Variants in RAP1GAP2 observed in about 807,000 individuals in gnomAD.
The protein encoded by RAP1GAP2 is RAP1 GTPase activating protein 2, also known as rap1 GTPase-activating protein 2.
RAP1GAP2 carries 27 observed loss-of-function variants against 95.0 expected under a neutral mutation model. The observed-to-expected ratio is 0.28, with a 90% CI of 0.21 to 0.39. RAP1GAP2 has a LOEUF of 0.39. Ranked by LOEUF, RAP1GAP2 falls within the 10% of genes least tolerant of loss-of-function variation. The pLI is 1.00. For missense variants in RAP1GAP2, 771 were observed against 970.0 expected (o/e 0.79, Z 2.72); for synonymous variants, 373 against 380.9 (o/e 0.98, Z 0.24).
chr17:2,913,721 A>G (rs1364302276), intron 3 of RAP1GAP2, among the ~76,000 whole-genome samples: 1 of 152,200 alleles, frequency 6.6e-6, no homozygotes, highest in East Asian at 1.9e-4. Flanking sequence ...CTAATGATAC[A>G]CCCACGTGAG....
chr17:2,947,725 G>A (rs2043755981), intron 3 of RAP1GAP2, among the ~76,000 whole-genome samples: 1 of 152,026 alleles, frequency 6.6e-6, no homozygotes. Flanking sequence ...AGCGGAGTCG[G>A]GCAGTGTGGC....
At chr17:2,959,335 A>G (rs1190630126) in intron 4 of RAP1GAP2, among the ~76,000 whole-genome samples, 1 of 151,920 alleles carries the variant, frequency 6.6e-6, no homozygotes, top group East Asian at 1.9e-4. Flanking sequence ...TTTCTAGGGT[A>G]GGGGTCTTGT....
chr17:2,952,854 G>T (rs192373293), intron 3 of RAP1GAP2, among the ~76,000 whole-genome samples: 101 of 152,000 alleles, frequency 6.6e-4, no homozygotes, highest in African/African-American at 2.4e-3. Flanking sequence ...GCTCAGGCTG[G>T]AGTGCAGTGG....
In RAP1GAP2 at chr17:3,008,603, A is replaced by T. The variant is rs2046409421; in HGVS notation, c.1494+458A>T. On this transcript the variant is annotated intron_variant, in intron 17 of 24. Coordinates refer to ENST00000254695, the MANE Select transcript of RAP1GAP2 (RefSeq NM_015085.5). The surrounding 1 kb of genome is among the most constrained non-coding windows in gnomAD (Gnocchi z 4.2). ...TAGCCAGCCGGCCGAGCATTGGAAG[A>T]CCTGGCTGGGCAGGGGCCATGGAAC... is the stretch of plus-strand genomic sequence containing the variant. Among the ~76,000 whole-genome samples, 1 of 152,090 alleles carries T rather than the reference A, an allele frequency of 6.6e-6. No individual in the cohort carries two copies. The highest frequency in any genetic ancestry group is 2.1e-4 in the South Asian group (1 of 4,822).
rs915965446 is a variant in RAP1GAP2, at chr17:2,866,640, G to C, written c.81-38644G>C. Among the ~76,000 whole-genome samples, 3 of 151,746 alleles carry C rather than the reference G, an allele frequency of 2.0e-5. No individual in the cohort carries two copies. The highest frequency in any genetic ancestry group is 4.2e-4 in the South Asian group (2 of 4,804). On this transcript the variant is annotated intron_variant, in intron 2 of 24. Transcript: ENST00000254695. The surrounding 1 kb of genome is among the most constrained non-coding windows in gnomAD (Gnocchi z 4.0). ...TTTTGAGGCAGCATCTCCCTCTGTC[G>C]CCAGGCTGGAGTGCAGTGGTGCGAT...
At chr17:2,897,365 A>G (rs575713461) in intron 2 of RAP1GAP2, among the ~76,000 whole-genome samples, 1 of 151,916 alleles carries the variant, frequency 6.6e-6, no homozygotes, top group Non-Finnish European at 1.5e-5. Context: ...AAACAAAAAA[A>G]TGGGTGTCCA....
At chr17:3,028,928 G>A (rs188079536) in intron 22 of RAP1GAP2, among the ~76,000 whole-genome samples, 1 of 152,216 alleles carries the variant, frequency 6.6e-6, no homozygotes, top group African/African-American at 2.4e-5. Flanking sequence ...AGCCTTCCAA[G>A]TAGCTGGGAT....
At chr17:2,872,067 A>G (rs1479633653) in intron 2 of RAP1GAP2, among the ~76,000 whole-genome samples, 1 of 151,986 alleles carries the variant, frequency 6.6e-6, no homozygotes, top group Non-Finnish European at 1.5e-5. Context: ...TACAAAAATT[A>G]GCTGGGTGTG....
chr17:2,761,217 A>C (rs1198373268), intron 1 of RAP1GAP2, among the ~76,000 whole-genome samples: 1 of 143,316 alleles, frequency 7.0e-6, no homozygotes. Flanking sequence ...GGCCTCCCAA[A>C]GTGCTGGGAT....
intron 3 of RAP1GAP2, among the ~76,000 whole-genome samples, chr17:2,927,279 G>A (rs12944111): frequency 0.45 from 67,965 of 151,304 alleles, 16,514 homozygotes; most frequent in Admixed American, 0.53. Flanking sequence ...TCAGCCTCCC[G>A]AGTAGCTGGG....
At chr17:3,021,323 G>A (rs1213317816) in intron 19 of RAP1GAP2, among the ~76,000 whole-genome samples, 3 of 149,722 alleles carry the variant, frequency 2.0e-5, no homozygotes, top group Non-Finnish European at 3.0e-5. Flanking sequence ...CCTTCATCCT[G>A]CCCTCCCCCG....
chr17:2,908,550 A>C (rs1567766066), intron 3 of RAP1GAP2, among the ~76,000 whole-genome samples: 1 of 151,880 alleles, frequency 6.6e-6, no homozygotes, highest in East Asian at 1.9e-4. Flanking sequence ...AAGTGGTTGG[A>C]GCTCAGATTT....
chr17:2,945,148 T>C (rs899240404), intron 3 of RAP1GAP2, among the ~76,000 whole-genome samples: 4 of 152,374 alleles, frequency 2.6e-5, no homozygotes, highest in African/African-American at 9.6e-5. Flanking sequence ...ATGCTGGGAT[T>C]ATAGGCGTGA....
intron 3 of RAP1GAP2, among the ~76,000 whole-genome samples, chr17:2,915,374 G>T (rs2042539238): frequency 6.6e-6 from 1 of 151,956 alleles, no homozygotes. Flanking sequence ...GGGACTACAG[G>T]CTGGTGCCAC....
At chr17:2,937,284 CTCT>C (rs2043334627) in intron 3 of RAP1GAP2, among the ~76,000 whole-genome samples, 1 of 152,212 alleles carries the variant, frequency 6.6e-6, no homozygotes, top group African/African-American at 2.4e-5. Context: ...TTCTCCATCT[CTCT>C]TCTTCCTTGC....
chr17:3,020,176 G>T (rs2046907241), intron 18 of RAP1GAP2, among the ~76,000 whole-genome samples: 1 of 152,178 alleles, frequency 6.6e-6, no homozygotes. Context: ...TGTGTCCCCC[G>T]GAATTGTTCT....
chr17:2,810,522 CTTTTTT>C (rs1169922962), intron 2 of RAP1GAP2, among the ~76,000 whole-genome samples: 14 of 69,416 alleles, frequency 2.0e-4, no homozygotes, highest in African/African-American at 5.8e-4. Flanking sequence ...TCCCCCCACC[CTTTTTT>C]TTTTTTTTTT....
intron 8 of RAP1GAP2, among the ~76,000 whole-genome samples, chr17:2,967,097 G>A (rs577916120): frequency 3.3e-5 from 5 of 152,294 alleles, no homozygotes; most frequent in South Asian, 2.1e-4. Context: ...GGCCAGGCAC[G>A]GTGGCTCACG....
At chr17:2,837,762 A>G (rs1472042809) in intron 2 of RAP1GAP2, among the ~76,000 whole-genome samples, 3 of 151,086 alleles carry the variant, frequency 2.0e-5, no homozygotes, top group African/African-American at 7.3e-5. Context: ...GCCTGCCACC[A>G]TGTCCGGCTA....
Sources: allele counts gnomAD v4.1 joint callset (sites outside exome capture counted in the v4.1 genomes callset), GRCh38; gene constraint gnomAD v4.1.1; non-coding constraint Gnocchi (gnomAD v3.1); transcripts MANE v1.5; gene names NCBI Gene and HGNC (gene_info 2026-07-23, HGNC 2026-07-21).